Variants in ANK2 observed in about 807,000 individuals in gnomAD.
ANK2 encodes ankyrin-2.
Under a neutral mutation model 360.5 loss-of-function variants are expected in ANK2, and 83 were observed. That is an observed-to-expected ratio of 0.23 (90% CI 0.19 to 0.28). The LOEUF (loss-of-function observed/expected upper bound fraction) is 0.28. Ranked by LOEUF, ANK2 falls within the 10% of genes least tolerant of loss-of-function variation. The pLI, the probability that ANK2 is intolerant of heterozygous loss-of-function variation, is 1.00. For synonymous variants in ANK2, 1,740 were observed against 1,759.5 expected, an observed-to-expected ratio of 0.99 and a Z score of 0.28; for missense variants, 4,201 against 4,795.7, an observed-to-expected ratio of 0.88 and a Z score of 3.66.
intron 1 of ANK2, among the ~76,000 whole-genome samples, chr4:113,123,729 A>G (rs12502247): frequency 0.21 from 31,921 of 151,992 alleles, 4,208 homozygotes; most frequent in East Asian, 0.51. Flanking sequence ...ACCATAATCC[A>G]TATATTTTTA....
intron 1 of ANK2, among the ~76,000 whole-genome samples, chr4:112,850,647 G>A (rs60898984): frequency 1.3e-5 from 2 of 149,428 alleles, no homozygotes; most frequent in African/African-American, 4.9e-5. Flanking sequence ...CTCCCAAGTA[G>A]ATGGGACTAC....
intron 4 of ANK2, among the ~76,000 whole-genome samples, chr4:113,229,835 G>A (rs748106481): frequency 2.4e-4 from 37 of 152,166 alleles, no homozygotes; most frequent in Non-Finnish European, 8.8e-5. Context: ...CTGATCTGGC[G>A]ACCTCTGCCT....
the ANK2 span, among the ~76,000 whole-genome samples, chr4:112,808,477 C>T: frequency 6.6e-6 from 1 of 152,062 alleles, no homozygotes; most frequent in Non-Finnish European, 1.5e-5. Flanking sequence ...AATTATGATA[C>T]AATACAAAGA....
Position 113,025,474 on chromosome 4 carries a change from A to T in ANK2, c.21+120960A>T, listed in dbSNP as rs151046835. On this transcript the variant is annotated intron_variant, in intron 2 of 30. Transcript: ENST00000503271. ...TTCTTTACTTTGTCCAAACAAATGT[A>T]CGTTTCTCTTTGTGCCTTATGGATA... is the stretch of plus-strand genomic sequence containing the variant. 1.9e-3 allele frequency among the ~76,000 whole-genome samples: 288 copies of T among 152,338 alleles called. 1 individual carries two copies. The highest frequency in any genetic ancestry group is 3.2e-3 in the Non-Finnish European group (215 of 68,040).
intron 1 of ANK2, among the ~76,000 whole-genome samples, chr4:113,060,577 A>G (rs994094455): frequency 6.6e-6 from 1 of 152,014 alleles, no homozygotes; most frequent in Admixed American, 6.6e-5. Context: ...CACAATTCAA[A>G]TAGGATTAAG....
intron 26 of ANK2, among the ~76,000 whole-genome samples, chr4:113,329,812 T>C (rs2091867686): frequency 6.6e-6 from 1 of 152,250 alleles, no homozygotes; most frequent in Non-Finnish European, 1.5e-5. Flanking sequence ...ATTTGGTCTT[T>C]CCTCTCTGCT....
At chr4:112,758,195 C>T in the ANK2 span, among the ~76,000 whole-genome samples, 1 of 152,008 alleles carries the variant, frequency 6.6e-6, no homozygotes, top group Non-Finnish European at 1.5e-5. Context: ...CCACCGCGTC[C>T]GGCCAAGATG....
intron 2 of ANK2, among the ~76,000 whole-genome samples, chr4:112,958,994 G>T (rs1043821175): frequency 2.0e-5 from 3 of 151,926 alleles, no homozygotes; most frequent in Non-Finnish European, 4.4e-5. Flanking sequence ...GATTACAGGT[G>T]CCCGCCACCA....
At chr4:112,917,238 C>T (rs2090128413) in intron 2 of ANK2, among the ~76,000 whole-genome samples, 1 of 152,234 alleles carries the variant, frequency 6.6e-6, no homozygotes, top group Admixed American at 6.5e-5. Flanking sequence ...CTAACAGACT[C>T]TTTATTGATA....
intron 1 of ANK2, among the ~76,000 whole-genome samples, chr4:112,879,180 A>G (rs1240210790): frequency 2.0e-5 from 3 of 152,238 alleles, no homozygotes; most frequent in African/African-American, 7.2e-5. Context: ...AGCTCTTGGT[A>G]CATTATTCTC....
chr4:112,946,011 A>C (rs1251494257), intron 2 of ANK2, among the ~76,000 whole-genome samples: 1 of 152,160 alleles, frequency 6.6e-6, no homozygotes, highest in Non-Finnish European at 1.5e-5. Flanking sequence ...GACCCAGGAG[A>C]GGAGGCAATG....
intron 4 of ANK2, among the ~76,000 whole-genome samples, chr4:113,207,746 G>C (rs1275340215): frequency 7.0e-6 from 1 of 143,570 alleles, no homozygotes; most frequent in Non-Finnish European, 1.5e-5. Flanking sequence ...CTTTCCAATA[G>C]AAACTGATTG....
chr4:113,342,942 T>C, intron 33 of ANK2, 75 bp from the exon 34 acceptor site: 3 of 1,579,458 alleles, frequency 1.9e-6, no homozygotes, highest in Non-Finnish European at 2.6e-6. Context: ...TTCCAAGTAG[T>C]ACTACCACTT....
At chr4:113,022,113 C>A (rs1258125826) in intron 2 of ANK2, among the ~76,000 whole-genome samples, 2 of 152,082 alleles carry the variant, frequency 1.3e-5, no homozygotes, top group African/African-American at 4.8e-5. Flanking sequence ...GAGAGACAGA[C>A]CCTACCTGGG....
At chr4:113,378,665 G>C (rs1191610424) in intron 45 of ANK2, among the ~76,000 whole-genome samples, 1 of 152,202 alleles carries the variant, frequency 6.6e-6, no homozygotes, top group East Asian at 1.9e-4. Context: ...GCATGAGTTT[G>C]ATATCCATGA....
chr4:113,328,218 G>C (rs1240005610), intron 26 of ANK2, among the ~76,000 whole-genome samples: 1 of 151,922 alleles, frequency 6.6e-6, no homozygotes, highest in Non-Finnish European at 1.5e-5. Context: ...TTACTAGTTT[G>C]AGTTCCTGTC....
the ANK2 span, among the ~76,000 whole-genome samples, chr4:112,736,421 C>G: frequency 1.3e-5 from 2 of 150,096 alleles, no homozygotes; most frequent in Admixed American, 1.3e-4. Context: ...GCTGAGATTG[C>G]TCCACCGCAC....
At chr4:112,738,723 A>G in the ANK2 span, 3 of 615,614 alleles carry the variant, frequency 4.9e-6, no homozygotes, top group Non-Finnish European at 9.1e-6. Flanking sequence ...AAAGAGAACC[A>G]AGAAGTTCAT....
intron 1 of ANK2, among the ~76,000 whole-genome samples, chr4:112,821,215 C>T (rs1175930284): frequency 6.6e-6 from 1 of 151,920 alleles, no homozygotes; most frequent in East Asian, 1.9e-4. Context: ...CCGCCCGGCC[C>T]CTTAAATGTT....
Sources: gnomAD v4.1 joint callset for allele counts (sites outside exome capture counted in the v4.1 genomes callset) on GRCh38, gnomAD v4.1.1 for gene constraint, MANE v1.5 for transcripts, NCBI Gene and HGNC (gene_info 2026-07-23, HGNC 2026-07-21) for gene names.